NRXN3: variants seen among roughly 807,000 people sequenced by gnomAD.
NRXN3 encodes neurexin III.
Under a neutral mutation model 137.6 loss-of-function variants are expected in NRXN3, and 32 were observed. That is an observed-to-expected ratio of 0.23 (90% confidence interval 0.18 to 0.31). NRXN3 has a LOEUF of 0.31. NRXN3 is among the 10% of genes least tolerant of loss of function. The pLI, the probability that NRXN3 is intolerant of heterozygous loss-of-function variation, is 1.00. For synonymous variants in NRXN3, 798 were observed against 784.5 expected, an observed-to-expected ratio of 1.02 and a Z score of -0.29; for missense variants, 1,574 against 2,062.5, an observed-to-expected ratio of 0.76 and a Z score of 4.59.
At chr14:78,808,456 T>G (rs1427547546) in intron 9 of NRXN3, among the ~76,000 whole-genome samples, 2 of 152,126 alleles carry the variant, frequency 1.3e-5, no homozygotes, top group African/African-American at 4.8e-5. Flanking sequence ...CAGTTTCCTC[T>G]CTCTCTTTAA....
chr14:79,328,167 T>C (rs145829411), intron 15 of NRXN3, among the ~76,000 whole-genome samples: 2 of 152,268 alleles, frequency 1.3e-5, no homozygotes, highest in East Asian at 1.9e-4. Flanking sequence ...TTATTATAAA[T>C]GTAAAGTAAT....
At chr14:79,681,194 C>T (rs1300574889) in intron 17 of NRXN3, among the ~76,000 whole-genome samples, 2 of 152,182 alleles carry the variant, frequency 1.3e-5, no homozygotes, top group African/African-American at 4.8e-5. Flanking sequence ...ACTTTTGCCA[C>T]ACAAACTCCT....
chr14:78,972,621 C>G (rs2099446703), intron 14 of NRXN3, among the ~76,000 whole-genome samples: 1 of 152,150 alleles, frequency 6.6e-6, no homozygotes, highest in Non-Finnish European at 1.5e-5. Context: ...TGTGCTTTGT[C>G]AAGTCTGATG....
chr14:79,509,634 T>A (rs938619806), intron 16 of NRXN3, among the ~76,000 whole-genome samples: 1 of 151,740 alleles, frequency 6.6e-6, no homozygotes, highest in African/African-American at 2.4e-5. Flanking sequence ...AGAATTTAAA[T>A]GTTTTTACCA....
At chr14:78,393,243 T>C (rs2091005772) in intron 4 of NRXN3, among the ~76,000 whole-genome samples, 1 of 152,058 alleles carries the variant, frequency 6.6e-6, no homozygotes. Flanking sequence ...CGTATATTCA[T>C]AAGCAGCTGT....
At chr14:79,307,373 T>C (rs1470462901) in intron 15 of NRXN3, among the ~76,000 whole-genome samples, 1 of 152,164 alleles carries the variant, frequency 6.6e-6, no homozygotes, top group Non-Finnish European at 1.5e-5. Flanking sequence ...GGTTTACCCC[T>C]TGTTATTGGT....
At chr14:79,047,758 T>G (rs181317589) in intron 15 of NRXN3, among the ~76,000 whole-genome samples, 2 of 152,136 alleles carry the variant, frequency 1.3e-5, no homozygotes, top group African/African-American at 4.8e-5. Context: ...CTAAAATAGT[T>G]AAAATTTAAA....
At chr14:78,792,541 T>C (rs190882627) in intron 8 of NRXN3, among the ~76,000 whole-genome samples, 2 of 152,270 alleles carry the variant, frequency 1.3e-5, no homozygotes, top group Admixed American at 1.3e-4. Context: ...GGTATCAAAC[T>C]GGAAAGTTTT....
At chr14:79,853,270 C>A (rs1440192070) in intron 20 of NRXN3, among the ~76,000 whole-genome samples, 4 of 152,134 alleles carry the variant, frequency 2.6e-5, no homozygotes, top group Non-Finnish European at 5.9e-5. Flanking sequence ...ATGCATAAAT[C>A]TAGTCTTCTT....
rs528756581 is a variant in NRXN3 at position 78,850,291 on chromosome 14, G to A, written c.2275+39947G>A. Among the ~76,000 whole-genome samples, 6 of 152,184 alleles carry A rather than the reference G, an allele frequency of 3.9e-5. No homozygotes were observed. The South Asian group carries it at 1.2e-3, about 32-fold the overall frequency. On this transcript the variant is annotated intron_variant, in intron 10 of 20. Transcript: ENST00000335750. ...TAGCAAAATTACAGAACTCACCCAA[G>A]GTTATATGGTCTCTCAGTGACAAAG...
chr14:79,722,346 A>C (rs1387094321), intron 19 of NRXN3, among the ~76,000 whole-genome samples: 1 of 152,048 alleles, frequency 6.6e-6, no homozygotes, highest in Non-Finnish European at 1.5e-5. Flanking sequence ...ACTCCAATGG[A>C]TCCCATTGCC....
chr14:79,570,270 A>G (rs1468566645), intron 16 of NRXN3, among the ~76,000 whole-genome samples: 1 of 152,156 alleles, frequency 6.6e-6, no homozygotes, highest in Non-Finnish European at 1.5e-5. Context: ...TGCCATGAGA[A>G]TGTTCCTTCA....
chr14:79,228,903 A>C (rs2071592520), intron 15 of NRXN3, among the ~76,000 whole-genome samples: 1 of 152,170 alleles, frequency 6.6e-6, no homozygotes, highest in Non-Finnish European at 1.5e-5. Context: ...CATACGTGTT[A>C]CACTTTTTTG....
In NRXN3 at chr14:79,238,167, T is replaced by TA. The variant is rs2073727895; in HGVS notation, c.3263-229054_3263-229053insA. Among the ~76,000 whole-genome samples, 3 of 152,290 alleles carry TA rather than the reference T, an allele frequency of 2.0e-5. No homozygotes were observed. In the South Asian group the frequency reaches 6.2e-4, roughly 32 times the overall value. ...TTACAAGCGGGTGTGCTTAGTTTAA[T>TA]GCTCTCCTATCACCACCTTGAAAGT... On this transcript the variant is annotated intron_variant, in intron 15 of 20. Coordinates refer to ENST00000335750, the MANE Select transcript of NRXN3 (RefSeq NM_001330195.2).
chr14:78,630,254 T>A (rs746224518), intron 4 of NRXN3, among the ~76,000 whole-genome samples: 1 of 152,216 alleles, frequency 6.6e-6, no homozygotes, highest in Non-Finnish European at 1.5e-5. Context: ...GGTTCCAGAT[T>A]ATTTATAACT....
intron 16 of NRXN3, among the ~76,000 whole-genome samples, chr14:79,553,617 G>A (rs910632355): frequency 6.6e-6 from 1 of 152,152 alleles, no homozygotes; most frequent in African/African-American, 2.4e-5. Flanking sequence ...AGCACATACA[G>A]GTGGCACAGG....
At chr14:79,571,271 CA>C (rs2097598364) in intron 16 of NRXN3, among the ~76,000 whole-genome samples, 1 of 152,058 alleles carries the variant, frequency 6.6e-6, no homozygotes, top group Admixed American at 6.6e-5. Context: ...GACTATTTTA[CA>C]ATCCAAGAAA....
chr14:79,221,190 T>C (rs1357677146), intron 15 of NRXN3, among the ~76,000 whole-genome samples: 2 of 152,192 alleles, frequency 1.3e-5, no homozygotes, highest in Admixed American at 6.5e-5. Context: ...TCTTTGCTAT[T>C]GTGAACAGTG....
chr14:79,616,608 T>G (rs919970102), intron 16 of NRXN3, among the ~76,000 whole-genome samples: 1 of 152,126 alleles, frequency 6.6e-6, no homozygotes, highest in Non-Finnish European at 1.5e-5. Flanking sequence ...CAAATCCCCA[T>G]GACATGTGAT....
Sources: allele counts gnomAD v4.1 joint callset (sites outside exome capture counted in the v4.1 genomes callset), GRCh38; gene constraint gnomAD v4.1.1; transcripts MANE v1.5; gene names NCBI Gene and HGNC (gene_info 2026-07-23, HGNC 2026-07-21).